The following ADAMTS20 variants were observed in gnomAD, a reference collection of about 807,000 sequenced individuals.
The protein encoded by ADAMTS20 is A disintegrin and metalloproteinase with thrombospondin motifs 20.
In ADAMTS20, 225 loss-of-function variants were observed where a neutral mutation model predicts 260.1. That is an observed-to-expected ratio of 0.87 (90% CI 0.78 to 0.97). The LOEUF is 0.97. Ranked by LOEUF, ADAMTS20 falls within the 50% of genes least tolerant of loss-of-function variation. ADAMTS20 has a pLI of 0.00. For synonymous variants in ADAMTS20, 802 were observed against 769.5 expected (o/e 1.04, Z -0.70); for missense variants, 2,400 against 2,337.7 (o/e 1.03, Z -0.55).
chr12:43,410,324 T>A (rs975565381), intron 28 of ADAMTS20, among the ~76,000 whole-genome samples: 1 of 152,064 alleles, frequency 6.6e-6, no homozygotes, highest in Non-Finnish European at 1.5e-5. Flanking sequence ...AGAGGAAATA[T>A]CTGAGCATTT....
chr12:43,410,380 A>C (rs1254141242), intron 28 of ADAMTS20, among the ~76,000 whole-genome samples: 1 of 152,220 alleles, frequency 6.6e-6, no homozygotes, highest in Non-Finnish European at 1.5e-5. Flanking sequence ...CAAGCCCTTA[A>C]GGAAAAAAAC....
At chr12:43,510,404 C>T (rs1293739310) in intron 3 of ADAMTS20, among the ~76,000 whole-genome samples, 1 of 151,480 alleles carries the variant, frequency 6.6e-6, no homozygotes, top group African/African-American at 2.4e-5. Context: ...TTTTTAAAAA[C>T]AGCATATATT....
At chr12:43,438,407 A>C in intron 18 of ADAMTS20, among the ~76,000 whole-genome samples, 1 of 152,270 alleles carries the variant, frequency 6.6e-6, no homozygotes, top group South Asian at 2.1e-4. Context: ...TGTCAAAATA[A>C]ATTTTTCCTT....
rs1941473722 is a variant in ADAMTS20, at chr12:43,432,738, T to G, written c.2794A>C (p.Met932Leu). 1 of 1,613,972 alleles carries G rather than the reference T, an allele frequency of 6.2e-7. No homozygotes were observed. Among genetic ancestry groups the G allele is most frequent in the Non-Finnish European group, 8.5e-7 (1 of 1,179,868 alleles). The change falls in exon 20 of 39, where the codon ATG becomes CTG. Residue 932 changes from methionine to leucine, a missense_variant. Met to Leu is a conservative substitution (Grantham distance 15, BLOSUM62 2). Coordinates refer to ENST00000389420, the MANE Select transcript of ADAMTS20 (RefSeq NM_025003.5). ...QGYRTLDIHC[M>L]KYSIHEGQTV... The stretch of plus-strand genomic sequence containing the variant: ...TGTCCTTCATGAATGGAATACTTCA[T>G]GCAATGGATGTCCAAGGTTCTATAT...
chr12:43,512,390 A>G (rs1942937390), intron 3 of ADAMTS20, among the ~76,000 whole-genome samples: 1 of 150,858 alleles, frequency 6.6e-6, no homozygotes, highest in Non-Finnish European at 1.5e-5. Flanking sequence ...AGTGAGGAAC[A>G]GGAAGGTTAA....
At chr12:43,496,891 C>T (rs557932157) in intron 4 of ADAMTS20, among the ~76,000 whole-genome samples, 3 of 152,158 alleles carry the variant, frequency 2.0e-5, no homozygotes, top group South Asian at 2.1e-4. Flanking sequence ...ATATTATATA[C>T]AGCATTTCAT....
intron 36 of ADAMTS20, among the ~76,000 whole-genome samples, chr12:43,371,370 C>A (rs1368246948): frequency 6.6e-6 from 1 of 152,022 alleles, no homozygotes; most frequent in African/African-American, 2.4e-5. Context: ...TTGCATTGGG[C>A]AGTATTATAG....
chr12:43,535,318 G>A (rs2048348), intron 2 of ADAMTS20, among the ~76,000 whole-genome samples: 17,278 of 152,086 alleles, frequency 0.11, 1,366 homozygotes, highest in African/African-American at 0.22. Flanking sequence ...ACCTTTGCAA[G>A]CTCAGTTTAT....
intron 16 of ADAMTS20, 21 bp downstream of exon 16, chr12:43,443,770 T>A: frequency 1.3e-6 from 2 of 1,592,736 alleles, no homozygotes; most frequent in Non-Finnish European, 1.7e-6. Flanking sequence ...ATACTGGCTG[T>A]TGTTTACGAG....
intron 37 of ADAMTS20, among the ~76,000 whole-genome samples, chr12:43,365,807 G>C (rs916702410): frequency 6.6e-6 from 1 of 151,800 alleles, no homozygotes; most frequent in Non-Finnish European, 1.5e-5. Flanking sequence ...TGGAAAGAGA[G>C]GAATGTTCAA....
chr12:43,544,883 C>T (rs1943422492), intron 2 of ADAMTS20, among the ~76,000 whole-genome samples: 1 of 152,188 alleles, frequency 6.6e-6, no homozygotes, highest in South Asian at 2.1e-4. Flanking sequence ...GGCTGCTCCA[C>T]TTCAGCACTA....
chr12:43,475,844 T>G (rs10880507), intron 7 of ADAMTS20, among the ~76,000 whole-genome samples: 1 of 131,664 alleles, frequency 7.6e-6, no homozygotes, highest in African/African-American at 2.9e-5. Flanking sequence ...AAAATCAATT[T>G]AAGATGGATT....
At chr12:43,439,525 G>T in intron 18 of ADAMTS20, 97 bp downstream of exon 18, 1 of 1,404,536 alleles carries the variant, frequency 7.1e-7, no homozygotes, top group Non-Finnish European at 9.7e-7. Flanking sequence ...TGTATGGACA[G>T]TGGGGAGGAT....
intron 11 of ADAMTS20, among the ~76,000 whole-genome samples, chr12:43,457,280 G>A (rs1227130036): frequency 3.3e-5 from 5 of 151,922 alleles, no homozygotes; most frequent in Admixed American, 1.3e-4. Flanking sequence ...GTGTTGGAAT[G>A]TTTCTCCAGG....
intron 3 of ADAMTS20, among the ~76,000 whole-genome samples, chr12:43,517,894 A>G (rs1943020807): frequency 6.6e-6 from 1 of 152,144 alleles, no homozygotes; most frequent in Non-Finnish European, 1.5e-5. Context: ...TAAATGTTAT[A>G]TATGCTAAGT....
At chr12:43,395,655 T>C (rs918402523) in intron 29 of ADAMTS20, among the ~76,000 whole-genome samples, 1 of 149,470 alleles carries the variant, frequency 6.7e-6, no homozygotes, top group African/African-American at 2.4e-5. Flanking sequence ...TGGTTCTACA[T>C]TGAATACTGT....
At chr12:43,422,075 A>C (rs1034778146) in intron 28 of ADAMTS20, among the ~76,000 whole-genome samples, 13 of 152,048 alleles carry the variant, frequency 8.5e-5, no homozygotes, top group African/African-American at 3.1e-4. Context: ...AAATACAATC[A>C]TTTCACGCTG....
chr12:43,507,855 A>G (rs1383020930), intron 3 of ADAMTS20, among the ~76,000 whole-genome samples: 1 of 152,200 alleles, frequency 6.6e-6, no homozygotes, highest in South Asian at 2.1e-4. Context: ...ATGAAGCTGG[A>G]GGCCATTATC....
chr12:43,439,880 G>C lies in ADAMTS20; in HGVS notation c.2463+17C>G, dbSNP rs1395154243. The C allele has an allele frequency of 1.3e-6, 2 of 1,598,084 alleles. No individual in the cohort carries two copies. Among genetic ancestry groups the C allele is most frequent in the African/African-American group, 2.7e-5 (2 of 74,314 alleles). On this transcript the variant is annotated intron_variant, in intron 17 of 38. Transcript: ENST00000389420. Reference sequence around the variant, plus strand: ...ATAATTAAATCCAAGTGTTATTACTGATGACTGAGAATTTACCTGCAAAAT... The same window carrying C: ...ATAATTAAATCCAAGTGTTATTACTCATGACTGAGAATTTACCTGCAAAAT...
Sources: gnomAD v4.1 joint callset for allele counts (sites outside exome capture counted in the v4.1 genomes callset) on GRCh38, gnomAD v4.1.1 for gene constraint, MANE v1.5 for transcripts, NCBI Gene and HGNC (gene_info 2026-07-23, HGNC 2026-07-21) for gene names.